PEAK1: variants seen among roughly 807,000 people sequenced by gnomAD.
PEAK1 encodes inactive tyrosine-protein kinase PEAK1.
Under a neutral mutation model 124.7 loss-of-function variants are expected in PEAK1, and 54 were observed. The observed-to-expected ratio is 0.43, with a 90% CI of 0.35 to 0.54. The LOEUF (loss-of-function observed/expected upper bound fraction) is 0.54. PEAK1 is among the 20% of genes least tolerant of loss of function. The pLI, the probability that PEAK1 is intolerant of heterozygous loss-of-function variation, is 0.01. For missense variants in PEAK1, 2,046 were observed against 2,134.5 expected, an observed-to-expected ratio of 0.96 and a Z score of 0.82; for synonymous variants, 719 against 760.0, an observed-to-expected ratio of 0.95 and a Z score of 0.89.
chr15:77,162,999 G>T (rs1289157222), intron 7 of PEAK1, among the ~76,000 whole-genome samples: 1 of 152,114 alleles, frequency 6.6e-6, no homozygotes, highest in Non-Finnish European at 1.5e-5. Context: ...CTAAGAGGAA[G>T]TTATGGTTTT....
At chr15:77,402,168 G>GAAAAAAAAAAAAAAAAAAAAAAAA (rs34571341) in intron 1 of PEAK1, 1 of 688,952 alleles carries the variant, frequency 1.5e-6, no homozygotes, top group Non-Finnish European at 1.8e-6. Context: ...CTCCACCTCG[G>GAAAAAAAAAAAAAAAAAAAAAAAA]AAAAAAAAAA....
Position 77,258,204 on chromosome 15 carries a change from A to G in PEAK1, c.-274-5678T>C, listed in dbSNP as rs148656347. Among the ~76,000 whole-genome samples the G allele has an allele frequency of 5.0e-3, 767 of 152,244 alleles. 4 individuals carry two copies. Among genetic ancestry groups the G allele is most frequent in the Middle Eastern group, 6.8e-3 (2 of 294 alleles). On this transcript the variant is annotated intron_variant, in intron 5 of 9. Coordinates refer to ENST00000682557, the MANE Select transcript of PEAK1 (RefSeq NM_001385026.1). ...TCTTTTGGCTTAGGATTGACTTGGC[A>G]ATGCGGGCTCTTTTTGGTTTCATAT...
chr15:77,229,353 T>C (rs2059808156), intron 6 of PEAK1, among the ~76,000 whole-genome samples: 1 of 152,200 alleles, frequency 6.6e-6, no homozygotes, highest in Non-Finnish European at 1.5e-5. Flanking sequence ...TTCCAATACA[T>C]TCAACTGTGT....
chr15:77,224,009 G>T (rs1164713115), intron 6 of PEAK1, among the ~76,000 whole-genome samples: 1 of 149,878 alleles, frequency 6.7e-6, no homozygotes, highest in Non-Finnish European at 1.5e-5. Flanking sequence ...TATTTTAAGA[G>T]AATCCTCTTT....
intron 7 of PEAK1, among the ~76,000 whole-genome samples, chr15:77,159,398 T>C (rs1223438356): frequency 6.6e-6 from 1 of 152,214 alleles, no homozygotes; most frequent in Non-Finnish European, 1.5e-5. Context: ...TGACCAATCT[T>C]GTTTTACCAT....
intron 9 of PEAK1, among the ~76,000 whole-genome samples, chr15:77,117,447 T>G (rs879483188): frequency 2.0e-5 from 3 of 152,226 alleles, no homozygotes; most frequent in African/African-American, 7.2e-5. Context: ...GTTGTACAAA[T>G]GCAACACTGA....
chr15:77,320,786 A>C (rs1018417010), intron 2 of PEAK1, among the ~76,000 whole-genome samples: 4 of 151,988 alleles, frequency 2.6e-5, no homozygotes, highest in Non-Finnish European at 5.9e-5. Flanking sequence ...CATTAGGTAC[A>C]TCTCCTAATG....
At chr15:77,349,438 TAGG>T in intron 2 of PEAK1, 1 of 981,534 alleles carries the variant, frequency 1.0e-6, no homozygotes, top group Non-Finnish European at 1.2e-6. Flanking sequence ...ATGTTCATAA[TAGG>T]AGCAAATTAA....
At chr15:77,101,649 C>G (rs1033361877) in exon 7 of PEAK1, 6 of 152,202 alleles carry the variant, frequency 3.9e-5, no homozygotes, top group African/African-American at 1.4e-4. Flanking sequence ...CAGATTCAGG[C>G]AGAGAGGCCC....
At chr15:77,233,442 TG>T (rs1320544826) in intron 6 of PEAK1, among the ~76,000 whole-genome samples, 1 of 152,246 alleles carries the variant, frequency 6.6e-6, no homozygotes, top group Admixed American at 6.5e-5. Context: ...CTCTAGCTTC[TG>T]GGTTACCACA....
At chr15:77,292,812 CATAT>C (rs2063291947) in intron 2 of PEAK1, among the ~76,000 whole-genome samples, 1 of 152,048 alleles carries the variant, frequency 6.6e-6, no homozygotes, top group Non-Finnish European at 1.5e-5. Context: ...TGAATACTTA[CATAT>C]ATATAGTCTT....
chr15:77,396,997 T>G (rs2070941581), intron 1 of PEAK1, among the ~76,000 whole-genome samples: 2 of 152,224 alleles, frequency 1.3e-5, no homozygotes, highest in Non-Finnish European at 2.9e-5. Context: ...ATCCAATGGC[T>G]GCTGCATACA....
rs2073253660 is a variant in PEAK1, at chr15:77,420,021, G to C, written c.-681C>G. 6.7e-6 allele frequency: 1 copy of C among 149,550 alleles called. No individual in the cohort carries two copies. Among genetic ancestry groups the C allele is most frequent in the Non-Finnish European group, 1.5e-5 (1 of 67,256 alleles). The allele number at this position is 149,550 out of a possible 1,614,324, so 9.3% of individuals were successfully genotyped here. On this transcript the variant is annotated 5_prime_UTR_variant, in exon 1 of 10. Coordinates refer to ENST00000682557, the MANE Select transcript of PEAK1 (RefSeq NM_001385026.1). ...CCGCTGTTACCTGAGGGGCGCACAC[G>C]CCGCCGCGGCGACCACCATCACCGT...
chr15:77,225,261 T>TA (rs2059578191), intron 6 of PEAK1, among the ~76,000 whole-genome samples: 1 of 151,990 alleles, frequency 6.6e-6, no homozygotes, highest in African/African-American at 2.4e-5. Flanking sequence ...TTATTCCTGT[T>TA]AAGAGTCTGG....
chr15:77,371,525 CCACCA>C, intron 1 of PEAK1: 1 of 804,706 alleles, frequency 1.2e-6, no homozygotes, highest in Non-Finnish European at 1.5e-6. Context: ...ACCACCACCA[CCACCA>C]CCACCACCAT....
chr15:77,250,950 A>G (rs553266764), intron 6 of PEAK1, among the ~76,000 whole-genome samples: 41 of 152,324 alleles, frequency 2.7e-4, no homozygotes, highest in African/African-American at 9.6e-4. Context: ...CCTGTCTCAT[A>G]TTTACCAACA....
intron 1 of PEAK1, among the ~76,000 whole-genome samples, chr15:77,393,146 A>G (rs768975092): frequency 2.6e-5 from 4 of 152,198 alleles, no homozygotes; most frequent in Non-Finnish European, 5.9e-5. Flanking sequence ...CCTTGCCACC[A>G]TGGGCTGAAG....
At chr15:77,151,668 A>G (rs2054636952) in intron 8 of PEAK1, among the ~76,000 whole-genome samples, 1 of 152,142 alleles carries the variant, frequency 6.6e-6, no homozygotes, top group East Asian at 1.9e-4. Flanking sequence ...TCTTTAATCC[A>G]TCTTGAATTA....
In PEAK1 at chr15:77,248,547, T is replaced by C. The variant is rs143913254; in HGVS notation, c.-115+3820A>G. 4.6e-3 allele frequency among the ~76,000 whole-genome samples: 699 copies of C among 152,222 alleles called. 3 individuals carry two copies. The highest frequency in any genetic ancestry group is 0.015 in the African/African-American group (629 of 41,524). On this transcript the variant is annotated intron_variant, in intron 6 of 9. Coordinates refer to ENST00000682557, the MANE Select transcript of PEAK1 (RefSeq NM_001385026.1). ...TAGTAAGAATCCTTATAAAGGAGAC[T>C]CCAGAGAGCTCACTTGCCCCTTCTG... is the stretch of plus-strand genomic sequence containing the variant.
Sources: gnomAD v4.1 joint callset for allele counts (sites outside exome capture counted in the v4.1 genomes callset) on GRCh38, gnomAD v4.1.1 for gene constraint, MANE v1.5 for transcripts, NCBI Gene and HGNC (gene_info 2026-07-23, HGNC 2026-07-21) for gene names.